WWOX: variants seen among roughly 807,000 people sequenced by gnomAD.
WWOX encodes the protein WW domain containing oxidoreductase.
Under a neutral mutation model 46.2 loss-of-function variants are expected in WWOX, and 69 were observed. That is an observed-to-expected ratio of 1.49 (90% CI 1.23 to 1.82). The LOEUF is 1.82. Among genes scored for constraint, WWOX ranks in the 40% most tolerant of loss-of-function variants. The pLI is 0.00. For missense variants in WWOX, 919 were observed against 542.6 expected, an observed-to-expected ratio of 1.69 and a Z score of -6.89; for synonymous variants, 359 against 202.6, an observed-to-expected ratio of 1.77 and a Z score of -6.56.
At chr16:79,204,954 G>T (rs1273863685) in intron 8 of WWOX, 1 of 152,050 alleles carries the variant, frequency 6.6e-6, no homozygotes, top group Non-Finnish European at 1.5e-5. Context: ...AAACTTCTTA[G>T]TGCTCTTGCA....
intron 7 of WWOX, among the ~76,000 whole-genome samples, chr16:78,430,264 A>G (rs934323288): frequency 7.2e-5 from 11 of 152,150 alleles, no homozygotes; most frequent in Non-Finnish European, 7.3e-5. Context: ...TGATTCACTT[A>G]TCTCCACCTG....
rs1043108038 is a variant in WWOX, at chr16:78,337,749, T to C, written c.517-49111T>C. ...GGATCTCAGTGCTCAGAATGAAATA[T>C]CCCTGTACTCCAAGATGCCTCCAGC... On this transcript the variant is annotated intron_variant, in intron 5 of 8. Coordinates refer to ENST00000566780, the MANE Select transcript of WWOX (RefSeq NM_016373.4). 7.1e-5 allele frequency among the ~76,000 whole-genome samples: 4 copies of C among 56,086 alleles called. 1 individual carries two copies. Among genetic ancestry groups the C allele is most frequent in the Non-Finnish European group, 2.3e-4 (4 of 17,532 alleles). The allele number at this position is 56,086 out of a possible 152,430, so 36.8% of individuals were successfully genotyped here. A position where few individuals can be genotyped will look rare whatever the true frequency, so the allele number is the denominator to read the frequency against.
chr16:78,521,048 C>A (rs2043338467), intron 8 of WWOX, among the ~76,000 whole-genome samples: 1 of 152,158 alleles, frequency 6.6e-6, no homozygotes, highest in Non-Finnish European at 1.5e-5. Flanking sequence ...GAAACACACT[C>A]CCTGAGCCTT....
intron 8 of WWOX, among the ~76,000 whole-genome samples, chr16:78,956,018 T>G (rs746637076): frequency 6.6e-6 from 1 of 152,156 alleles, no homozygotes; most frequent in Non-Finnish European, 1.5e-5. Flanking sequence ...AAAACTTTTT[T>G]TTTTAGAACT....
At chr16:78,696,692 G>C (rs1034820796) in intron 8 of WWOX, among the ~76,000 whole-genome samples, 2 of 151,986 alleles carry the variant, frequency 1.3e-5, no homozygotes, top group Non-Finnish European at 2.9e-5. Flanking sequence ...TTTTGGGGGG[G>C]GTACAGGTGG....
chr16:78,662,412 G>A (rs1289479353), intron 8 of WWOX, among the ~76,000 whole-genome samples: 2 of 152,036 alleles, frequency 1.3e-5, no homozygotes, highest in Non-Finnish European at 2.9e-5. Context: ...CCCACTGAGA[G>A]AATTTTCTAG....
At chr16:78,897,452 A>G (rs1156950547) in intron 8 of WWOX, 2 of 152,042 alleles carry the variant, frequency 1.3e-5, no homozygotes, top group African/African-American at 4.8e-5. Context: ...TCTTCTGCTT[A>G]ATGATTCACA....
At position 78,630,935 on chromosome 16, in the gene WWOX, C is replaced by T. The variant is rs184696583; in HGVS notation, c.1056+198183C>T. ...TAACTAATGACAGATTAAAAGCATT[C>T]GAACAAACGGAGGGTGGTATCTGTA... On this transcript the variant is annotated intron_variant, in intron 8 of 8. Transcript: ENST00000566780. Among the ~76,000 whole-genome samples the T allele has an allele frequency of 1.6e-3, 237 of 152,248 alleles. 2 individuals carry two copies. Among genetic ancestry groups the T allele is most frequent in the African/African-American group, 5.2e-3 (217 of 41,536 alleles).
intron 8 of WWOX, among the ~76,000 whole-genome samples, chr16:78,473,577 C>T (rs146225816): frequency 4.5e-4 from 69 of 152,252 alleles, no homozygotes; most frequent in African/African-American, 1.3e-3. Flanking sequence ...TGTGAGCAGA[C>T]GTGATTCAGG....
rs374526508 is a variant in WWOX, at chr16:78,397,986, G to A, written c.605+11038G>A. On this transcript the variant is annotated intron_variant, in intron 6 of 8. Transcript: ENST00000566780. ...TCATGGAGTTCGTTTAAGCTGAAGC[G>A]GCAGCTGTTGACTGTCATTTGCATC... Among the ~76,000 whole-genome samples the A allele has an allele frequency of 2.6e-4, 40 of 152,316 alleles. No individual in the cohort carries two copies. In the South Asian group the frequency reaches 4.1e-3, roughly 16 times the overall value.
At chr16:78,984,530 A>G (rs1448276768) in intron 8 of WWOX, among the ~76,000 whole-genome samples, 3 of 152,228 alleles carry the variant, frequency 2.0e-5, no homozygotes, top group South Asian at 2.1e-4. Flanking sequence ...GCAGCAGGCC[A>G]GAATTAGCCC....
intron 8 of WWOX, among the ~76,000 whole-genome samples, chr16:78,656,114 AATT>A (rs1307547312): frequency 6.6e-6 from 1 of 152,178 alleles, no homozygotes; most frequent in Admixed American, 6.5e-5. Context: ...GAAGAATCAA[AATT>A]ATTATGTCAA....
intron 8 of WWOX, among the ~76,000 whole-genome samples, chr16:78,592,222 TG>T (rs1284923991): frequency 6.6e-6 from 1 of 152,242 alleles, no homozygotes; most frequent in African/African-American, 2.4e-5. Flanking sequence ...TTTTATTTTT[TG>T]TTTGTTTGTT....
At chr16:79,199,759 G>C (rs1031280005) in intron 8 of WWOX, among the ~76,000 whole-genome samples, 4 of 152,154 alleles carry the variant, frequency 2.6e-5, no homozygotes, top group African/African-American at 9.7e-5. Context: ...TCAACCCCTT[G>C]ACAGTTCGAA....
At position 78,245,982 on chromosome 16, in the gene WWOX, A is replaced by G. The variant is rs559004493; in HGVS notation, c.516+81693A>G. 2.6e-5 allele frequency among the ~76,000 whole-genome samples: 4 copies of G among 152,320 alleles called. No individual in the cohort carries two copies. The South Asian group carries it at 8.3e-4, about 32-fold the overall frequency. On this transcript the variant is annotated intron_variant, in intron 5 of 8. Coordinates refer to ENST00000566780, the MANE Select transcript of WWOX (RefSeq NM_016373.4). The stretch of plus-strand genomic sequence containing the variant: ...CCATATTAAGAAGCATTCAAAGACT[A>G]GGATGCCATTTTGCAAACGTCTCAT...
At chr16:78,278,703 A>C in intron 5 of WWOX, 1 of 1,548,076 alleles carries the variant, frequency 6.5e-7, no homozygotes, top group African/African-American at 1.4e-5. Flanking sequence ...CATCAATTAC[A>C]TCTTCTTTTG....
chr16:78,153,047 T>G (rs2034471611), intron 4 of WWOX, among the ~76,000 whole-genome samples: 1 of 152,224 alleles, frequency 6.6e-6, no homozygotes. Flanking sequence ...GAGAGACCTG[T>G]GTAGTTTTGT....
At chr16:78,483,481 C>G (rs996234467) in intron 8 of WWOX, among the ~76,000 whole-genome samples, 1 of 147,654 alleles carries the variant, frequency 6.8e-6, no homozygotes, top group Admixed American at 6.9e-5. Flanking sequence ...GTAAGTGACA[C>G]TGATCGGTGA....
intron 8 of WWOX, among the ~76,000 whole-genome samples, chr16:78,560,591 C>A (rs2044412110): frequency 6.6e-6 from 1 of 152,092 alleles, no homozygotes; most frequent in African/African-American, 2.4e-5. Flanking sequence ...TTGCAGTGAG[C>A]TGAGATCACG....
Sources: gnomAD v4.1 joint callset for allele counts (sites outside exome capture counted in the v4.1 genomes callset) on GRCh38, gnomAD v4.1.1 for gene constraint, MANE v1.5 for transcripts, NCBI Gene and HGNC (gene_info 2026-07-23, HGNC 2026-07-21) for gene names.